The following EVI5 variants were observed in gnomAD, a reference collection of about 807,000 sequenced individuals.
EVI5 encodes the protein ecotropic viral integration site 5 protein homolog.
A neutral mutation model predicts 112.0 loss-of-function variants in EVI5; 73 were observed. The observed-to-expected ratio is 0.65, with a 90% CI of 0.54 to 0.79. The LOEUF (loss-of-function observed/expected upper bound fraction) is 0.79. EVI5 is among the 30% of genes least tolerant of loss of function. EVI5 has a pLI of 0.00. For synonymous variants in EVI5, 305 were observed against 319.9 expected, an observed-to-expected ratio of 0.95 and a Z score of 0.50; for missense variants, 900 against 968.8, an observed-to-expected ratio of 0.93 and a Z score of 0.94.
chr1:92,753,443 A>G (rs1165858009), intron 1 of EVI5, among the ~76,000 whole-genome samples: 4 of 152,250 alleles, frequency 2.6e-5, no homozygotes. Context: ...TATATTCTAA[A>G]AAGTAAAAAC....
intron 18 of EVI5, among the ~76,000 whole-genome samples, chr1:92,593,329 T>A (rs1230629860): frequency 1.3e-5 from 2 of 152,172 alleles, no homozygotes; most frequent in African/African-American, 2.4e-5. Flanking sequence ...CACATGATTA[T>A]CTCATAAGAT....
At chr1:92,645,476 C>G (rs369928817) in intron 13 of EVI5, among the ~76,000 whole-genome samples, 5 of 152,192 alleles carry the variant, frequency 3.3e-5, no homozygotes, top group Non-Finnish European at 7.3e-5. Context: ...CATTAGCTAT[C>G]AAGCTCTACA....
intron 19 of EVI5, among the ~76,000 whole-genome samples, chr1:92,549,151 T>G (rs1356859927): frequency 6.6e-6 from 1 of 152,094 alleles, no homozygotes; most frequent in Non-Finnish European, 1.5e-5. Flanking sequence ...AAAACAGAGA[T>G]ATAGATCAAT....
intron 19 of EVI5, among the ~76,000 whole-genome samples, chr1:92,548,530 C>T (rs534613444): frequency 3.0e-4 from 46 of 152,178 alleles, no homozygotes; most frequent in African/African-American, 9.9e-4. Flanking sequence ...AAAGGGTATT[C>T]AATTAGGAAA....
intron 2 of EVI5, among the ~76,000 whole-genome samples, chr1:92,713,629 T>G (rs539759991): frequency 6.6e-6 from 1 of 151,764 alleles, no homozygotes; most frequent in Admixed American, 6.6e-5. Context: ...CTACAAAAAT[T>G]AGCCAGGCAC....
intron 10 of EVI5, among the ~76,000 whole-genome samples, chr1:92,666,595 G>A (rs1478095215): frequency 6.9e-6 from 1 of 145,730 alleles, no homozygotes; most frequent in Non-Finnish European, 1.5e-5. Flanking sequence ...AAAAAAGGGA[G>A]GGGAGGGGAG....
At chr1:92,611,976 A>C (rs1410479616) in intron 16 of EVI5, among the ~76,000 whole-genome samples, 1 of 152,162 alleles carries the variant, frequency 6.6e-6, no homozygotes, top group Non-Finnish European at 1.5e-5. Flanking sequence ...ATAACTGACT[A>C]ACAGGTGAAC....
chr1:92,523,857 T>C (rs181694044), intron 19 of EVI5, among the ~76,000 whole-genome samples: 255 of 152,138 alleles, frequency 1.7e-3, no homozygotes, highest in Middle Eastern at 3.4e-3. Context: ...AGGCCGAGGC[T>C]GGTGGATCAC....
At chr1:92,577,468 G>A (rs1278549384) in intron 18 of EVI5, among the ~76,000 whole-genome samples, 3 of 152,330 alleles carry the variant, frequency 2.0e-5, no homozygotes, top group African/African-American at 7.2e-5. Context: ...TCAGTAGGGC[G>A]GGCCAGCAGG....
chr1:92,514,005 TG>T, intron 19 of EVI5, 35 bp from the exon 20 acceptor site: 3 of 1,299,956 alleles, frequency 2.3e-6, no homozygotes, highest in Non-Finnish European at 3.2e-6. Flanking sequence ...TACAGTCAAA[TG>T]GGGGAAACAC....
At chr1:92,620,346 C>CA (rs541900960) in intron 16 of EVI5, among the ~76,000 whole-genome samples, 851 of 62,346 alleles carry the variant, frequency 0.014, 4 homozygotes, top group Non-Finnish European at 0.017. Context: ...AACTCCATCT[C>CA]AAAAAAAAAA....
chr1:92,616,424 T>C lies in EVI5; in HGVS notation c.1827+7752A>G, dbSNP rs574337887. ...CAGCACTCAACCATCAAACGCAAGG[T>C]AGGCATAGCTACTGTCATGAACAGC... On this transcript the variant is annotated intron_variant, in intron 16 of 19. Coordinates refer to ENST00000684568, the MANE Select transcript of EVI5 (RefSeq NM_001350197.2). Among the ~76,000 whole-genome samples the C allele has an allele frequency of 2.5e-3, 376 of 152,244 alleles. 11 individuals carry two copies. Among genetic ancestry groups the C allele is most frequent in the Middle Eastern group, 3.4e-3 (1 of 294 alleles).
intron 1 of EVI5, among the ~76,000 whole-genome samples, chr1:92,767,740 T>C (rs547512803): frequency 2.0e-5 from 3 of 152,248 alleles, no homozygotes; most frequent in African/African-American, 4.8e-5. Flanking sequence ...ATAATTCTAA[T>C]GCTTTACTGT....
At chr1:92,720,542 C>T (rs1334300376) in intron 2 of EVI5, among the ~76,000 whole-genome samples, 1 of 152,208 alleles carries the variant, frequency 6.6e-6, no homozygotes, top group African/African-American at 2.4e-5. Context: ...GGATTAAAGA[C>T]TTAAATGTTA....
In EVI5 at chr1:92,703,440, C is replaced by T; in HGVS notation, c.519G>A (p.Lys173=). ...CCTCCTGTCCAAGGCTATCTTTTTC[C>T]TTAAAAAAGTTGTGTTCAGGGTAAG... The part of the protein sequence containing the change: ...ARTYPEHNFF[K]EKDSLGQEVL... The change falls in exon 4 of 20, where the codon AAG becomes AAA. Residue 173 remains lysine, a synonymous_variant. Transcript: ENST00000684568. The T allele has an allele frequency of 6.3e-7, 1 of 1,585,076 alleles. No individual in the cohort carries two copies. The highest frequency in any genetic ancestry group is 1.4e-5 in the African/African-American group (1 of 72,524).
At chr1:92,661,047 G>A (rs141225438) in intron 13 of EVI5, among the ~76,000 whole-genome samples, 14 of 151,870 alleles carry the variant, frequency 9.2e-5, no homozygotes, top group Non-Finnish European at 1.8e-4. Context: ...AACTGTCTTT[G>A]AGTATACAAG....
Position 92,677,173 on chromosome 1 carries a change from C to A in EVI5, c.1143G>T (p.Glu381Asp). 6.3e-7 allele frequency: 1 copy of A among 1,591,172 alleles called. No homozygotes were observed. The change falls in exon 10 of 20, where the codon GAG becomes GAT. Residue 381 changes from glutamate (E) to aspartate (D), a missense_variant. Transcript: ENST00000684568. ...AACTGCTTACTTTAATTTCAACTTG[C>A]TCTTCCATTTCTTTCGTTTTTATTG... ...YTTIKTKEME[E>D]QVEIKRLRTE... is the part of the protein sequence containing the mutation.
chr1:92,671,998 G>A (rs778851779), intron 10 of EVI5, among the ~76,000 whole-genome samples: 2 of 151,680 alleles, frequency 1.3e-5, no homozygotes, highest in Admixed American at 6.6e-5. Context: ...GGAGACAGGG[G>A]CCCACTATGT....
intron 19 of EVI5, among the ~76,000 whole-genome samples, chr1:92,522,553 A>T (rs1661117690): frequency 7.6e-6 from 1 of 132,296 alleles, no homozygotes; most frequent in Non-Finnish European, 1.5e-5. Context: ...GAACTGCTTG[A>T]ACCTGGGAGG....
Sources: allele counts gnomAD v4.1 joint callset (sites outside exome capture counted in the v4.1 genomes callset), GRCh38; gene constraint gnomAD v4.1.1; transcripts MANE v1.5; gene names NCBI Gene and HGNC (gene_info 2026-07-23, HGNC 2026-07-21).